Variants in ENPP5 observed in about 807,000 individuals in gnomAD.
The protein encoded by ENPP5 is ectonucleotide pyrophosphatase/phosphodiesterase family member 5.
ENPP5 carries 27 observed loss-of-function variants against 33.7 expected under a neutral mutation model. The observed-to-expected ratio is 0.80, with a 90% confidence interval of 0.59 to 1.11. ENPP5 has a LOEUF of 1.11. Ranked by LOEUF, ENPP5 falls within the 50% of genes least tolerant of loss-of-function variation. ENPP5 has a pLI of 0.00. For missense variants in ENPP5, 552 were observed against 579.2 expected (o/e 0.95, Z 0.48); for synonymous variants, 199 against 200.5 (o/e 0.99, Z 0.06).
chr6:46,166,467 T>TTTTA lies in ENPP5; in HGVS notation c.830-905_830-904insTAAA, dbSNP rs1371765845. 4.7e-5 allele frequency among the ~76,000 whole-genome samples: 7 copies of TTTTA among 148,840 alleles called. No homozygotes were observed. In the East Asian group the frequency reaches 1.4e-3, roughly 29 times the overall value. On this transcript the variant is annotated intron_variant, in intron 3 of 4. Transcript: ENST00000371383. ...AGGCTATTTTTTTTTTTTTTTTTTTTAGCAACAGAGTCTTGCTATGTTGCC... is the reference window on the plus strand; with the variant it reads ...AGGCTATTTTTTTTTTTTTTTTTTTTTTTAAGCAACAGAGTCTTGCTATGTTGCC...
rs1198911018 is a variant in ENPP5 at position 46,170,895 on chromosome 6, CG to C, written c.-186del. 1 of 152,348 alleles carries C rather than the reference CG, an allele frequency of 6.6e-6. No individual in the cohort carries two copies. The allele number at this position is 152,348 out of a possible 1,614,324, so 9.4% of individuals were successfully genotyped here. ...ACTCCCTCGGGCGCGCCGCGGGTAACGGCGGGAGGGTGACTGGAGGAACGCC... is the reference window on the plus strand; with the variant it reads ...ACTCCCTCGGGCGCGCCGCGGGTAACGCGGGAGGGTGACTGGAGGAACGCC... On this transcript the variant is annotated 5_prime_UTR_variant, in exon 1 of 5. Transcript: ENST00000371383.
chr6:46,164,480 A>G (rs1764477414), intron 4 of ENPP5, among the ~76,000 whole-genome samples: 1 of 152,210 alleles, frequency 6.6e-6, no homozygotes, highest in African/African-American at 2.4e-5. Flanking sequence ...TGAATCATTA[A>G]ACATAATATA....
intron 4 of ENPP5, 189 bp downstream of exon 4, chr6:46,165,198 C>A (rs1018669741): frequency 8.1e-6 from 4 of 495,248 alleles, no homozygotes; most frequent in Non-Finnish European, 1.4e-5. Flanking sequence ...TTGTATATAT[C>A]TTTTACATAT....
rs371294052 is a variant in ENPP5 at position 46,161,437 on chromosome 6, G to A, written c.1323C>T (p.Ser441=). 4 of 1,613,628 alleles carry A rather than the reference G, an allele frequency of 2.5e-6. No individual in the cohort carries two copies. Among genetic ancestry groups the A allele is most frequent in the Non-Finnish European group, 3.4e-6 (4 of 1,179,610 alleles). Residue 441 remains serine (S), a synonymous_variant, in exon 5 of 5, where the codon AGC becomes AGT. Coordinates refer to ENST00000371383, the MANE Select transcript of ENPP5 (RefSeq NM_001290072.2). The part of the protein sequence containing the change: ...YPYFIGVSLG[S]IIVIVFFVIF... ...TTACAAAAAATACAATCACTATAAT[G>A]CTGCCAAGAGAGACCCCTATGAAAT...
chr6:46,164,497 G>A (rs1315517441), intron 4 of ENPP5, among the ~76,000 whole-genome samples: 1 of 152,032 alleles, frequency 6.6e-6, no homozygotes. Context: ...TATAAATTGA[G>A]TATTATTAAG....
In ENPP5 at chr6:46,165,404, TTA is replaced by T. The variant is rs750118950; in HGVS notation, c.987_988del (p.Asn329LysfsTer4). The T allele has an allele frequency of 6.3e-7, 1 of 1,583,906 alleles. No individual in the cohort carries two copies. Among genetic ancestry groups the T allele is most frequent in the Non-Finnish European group, 8.5e-7 (1 of 1,170,814 alleles). On this transcript the variant is annotated frameshift_variant, in exon 4 of 5. Coordinates refer to ENST00000371383, the MANE Select transcript of ENPP5 (RefSeq NM_001290072.2). LOFTEE classifies it high-confidence loss of function. ...ATACTCACACAGAAAGTCATCTGAC[TTA>T]TTCTGTAAAATGTGCCACCCTTCAT...
chr6:46,161,528 T>A lies in ENPP5; in HGVS notation c.1232A>T (p.Gln411Leu). 6.2e-7 allele frequency: 1 copy of A among 1,613,998 alleles called. No individual in the cohort carries two copies. Among genetic ancestry groups the A allele is most frequent in the Non-Finnish European group, 8.5e-7 (1 of 1,179,868 alleles). Residue 411 changes from glutamine to leucine, a missense_variant, in exon 5 of 5, where the codon CAG becomes CTG. Coordinates refer to ENST00000371383, the MANE Select transcript of ENPP5 (RefSeq NM_001290072.2). ...ACTACCAGGGAGGAGTATAGTACTCTGTGTATAAGGGACCACCCTTGGCAT... is the reference window on the plus strand; with the variant it reads ...ACTACCAGGGAGGAGTATAGTACTCAGTGTATAAGGGACCACCCTTGGCAT... ...SAMPRVVPYTQSTILLPGSVK... is the reference protein window; with the variant it reads ...SAMPRVVPYTLSTILLPGSVK...
At chr6:46,163,617 C>T (rs892819212) in intron 4 of ENPP5, among the ~76,000 whole-genome samples, 7 of 152,012 alleles carry the variant, frequency 4.6e-5, no homozygotes, top group African/African-American at 1.7e-4. Context: ...ACACTGACTT[C>T]CACAATGGTT....
Position 46,167,454 on chromosome 6 carries a change from G to A in ENPP5, c.809C>T (p.Ala270Val). ...HYTLIDQSPV[A>V]AILPKEGKFD... ...CTTACCTTCTTTTGGCAAGATGGCT[G>A]CTACTGGAGATTGATCAATCAGGGT... is the stretch of plus-strand genomic sequence containing the variant. The change falls in exon 3 of 5, where the codon GCA becomes GTA. Residue 270 changes from alanine to valine, a missense_variant. Physicochemically the swap from Ala to Val is moderately conservative, Grantham distance 64. Transcript: ENST00000371383. 6.2e-7 allele frequency: 1 copy of A among 1,604,450 alleles called. No individual in the cohort carries two copies. The highest frequency in any genetic ancestry group is 8.5e-7 in the Non-Finnish European group (1 of 1,172,120).
chr6:46,166,447 A>ATTTTT (rs60483260), intron 3 of ENPP5, among the ~76,000 whole-genome samples: 42 of 120,100 alleles, frequency 3.5e-4, no homozygotes, highest in East Asian at 2.4e-4. Flanking sequence ...ACACCAGGCT[A>ATTTTT]TTTTTTTTTT....
chr6:46,160,970 T>G lies in ENPP5; in HGVS notation c.*356A>C. On this transcript the variant is annotated 3_prime_UTR_variant, in exon 5 of 5. Coordinates refer to ENST00000371383, the MANE Select transcript of ENPP5 (RefSeq NM_001290072.2). ...AACTGTGCATAAAGTGCATTTCAAATTAAAGTACCCATCAGGAGAGAAATT... is the reference window on the plus strand; with the variant it reads ...AACTGTGCATAAAGTGCATTTCAAAGTAAAGTACCCATCAGGAGAGAAATT... 1 of 194,538 alleles carries G rather than the reference T, an allele frequency of 5.1e-6. No homozygotes were observed. Among genetic ancestry groups the G allele is most frequent in the Non-Finnish European group, 1.1e-5 (1 of 92,472 alleles). The allele number at this position is 194,538 out of a possible 1,614,324, so 12.1% of individuals were successfully genotyped here. A position where few individuals can be genotyped will look rare whatever the true frequency, so the allele number is the denominator to read the frequency against.
rs544827571 is a variant in ENPP5, at chr6:46,161,817, A to G, written c.1007-64T>C. On this transcript the variant is annotated intron_variant, in intron 4 of 4. Coordinates refer to ENST00000371383, the MANE Select transcript of ENPP5 (RefSeq NM_001290072.2). ...GCATTAAAATGGACATAATTGTTGT[A>G]TGGTCAAATTCTGAACTTAAATGCA... The G allele has an allele frequency of 2.0e-5, 24 of 1,220,170 alleles. No individual in the cohort carries two copies. The African/African-American group carries it at 3.3e-4, about 17-fold the overall frequency. 75.6% of individuals were successfully genotyped at this position (1,220,170 alleles called of 1,614,324 possible).
In ENPP5 at chr6:46,168,232, T is replaced by C. The variant is rs1017999968; in HGVS notation, c.31A>G (p.Ile11Val). 10 of 1,597,696 alleles carry C rather than the reference T, an allele frequency of 6.3e-6. No homozygotes were observed. Among genetic ancestry groups the C allele is most frequent in the African/African-American group, 5.4e-5 (4 of 74,136 alleles). The part of the protein sequence containing the change: MTSKFLLVSF[I>V]LAALSLSTTF... Reference sequence around the variant, plus strand: ...GTTGAAAGACTCAGTGCAGCAAGTATGAAGGACACCAAGAGAAATTTCGAA... The same window carrying C: ...GTTGAAAGACTCAGTGCAGCAAGTACGAAGGACACCAAGAGAAATTTCGAA... Residue 11 changes from isoleucine (I) to valine (V), a missense_variant, in exon 3 of 5, where the codon ATA becomes GTA. Ile to Val is a conservative substitution (Grantham distance 29). Coordinates refer to ENST00000371383, the MANE Select transcript of ENPP5 (RefSeq NM_001290072.2).
intron 2 of ENPP5, 43 bp from the exon 3 acceptor site, chr6:46,168,340 T>C: frequency 1.1e-6 from 1 of 913,032 alleles, no homozygotes. Context: ...TAATTTTGTT[T>C]TGTATACTTT....
At chr6:46,164,383 G>A (rs1337825816) in intron 4 of ENPP5, among the ~76,000 whole-genome samples, 1 of 152,192 alleles carries the variant, frequency 6.6e-6, no homozygotes. Context: ...GTGGGCCAGG[G>A]AACACACTTT....
Position 46,161,591 on chromosome 6 carries a change from C to T in ENPP5, c.1169G>A (p.Gly390Glu), listed in dbSNP as rs1223906343. ...LLNITAMPHN[G>E]SFWNVQDLLN... ...CAGATCCTGGACATTCCAGAATGAT[C>T]CATTGTGTGGCATGGCGGTGATATT... The change falls in exon 5 of 5, where the codon GGA becomes GAA. Residue 390 changes from glycine to glutamate, a missense_variant. Coordinates refer to ENST00000371383, the MANE Select transcript of ENPP5 (RefSeq NM_001290072.2). 2 of 1,614,016 alleles carry T rather than the reference C, an allele frequency of 1.2e-6. No individual in the cohort carries two copies. Among genetic ancestry groups the T allele is most frequent in the Non-Finnish European group, 1.7e-6 (2 of 1,179,960 alleles).
At chr6:46,162,905 G>A (rs980864871) in intron 4 of ENPP5, among the ~76,000 whole-genome samples, 1 of 152,224 alleles carries the variant, frequency 6.6e-6, no homozygotes, top group African/African-American at 2.4e-5. Flanking sequence ...TTGACTGGAT[G>A]ATTGCTGTGT....
intron 3 of ENPP5, among the ~76,000 whole-genome samples, chr6:46,165,824 A>G (rs1764527858): frequency 6.6e-6 from 1 of 152,290 alleles, no homozygotes; most frequent in Middle Eastern, 3.4e-3. Flanking sequence ...TTAATTAGTG[A>G]CACTATGTAA....
At chr6:46,162,105 G>A (rs1237669857) in intron 4 of ENPP5, among the ~76,000 whole-genome samples, 1 of 152,114 alleles carries the variant, frequency 6.6e-6, no homozygotes. Flanking sequence ...AAATACTTAT[G>A]GGGTACCTAC....
Sources: gnomAD v4.1 joint callset for allele counts (sites outside exome capture counted in the v4.1 genomes callset) on GRCh38, gnomAD v4.1.1 for gene constraint, MANE v1.5 for transcripts, NCBI Gene and HGNC (gene_info 2026-07-23, HGNC 2026-07-21) for gene names.